The following SCAMP5 variants were observed in gnomAD, a reference collection of about 807,000 sequenced individuals.
SCAMP5 encodes secretory carrier-associated membrane protein 5.
SCAMP5 carries 7 observed loss-of-function variants against 28.3 expected under a neutral mutation model. The observed-to-expected ratio is 0.25, with a 90% CI of 0.14 to 0.46. The LOEUF is 0.46. Ranked by LOEUF, SCAMP5 falls within the 20% of genes least tolerant of loss-of-function variation. The pLI is 0.99. For synonymous variants in SCAMP5, 117 were observed against 116.4 expected (o/e 1.00, Z -0.03); for missense variants, 192 against 312.5 (o/e 0.61, Z 2.91).
intron 1 of SCAMP5, among the ~76,000 whole-genome samples, chr15:75,005,629 T>A (rs1385011768): frequency 6.6e-6 from 1 of 152,236 alleles, no homozygotes; most frequent in Non-Finnish European, 1.5e-5. Context: ...TGTTTTTTCA[T>A]AATTATTTTC....
In SCAMP5 at chr15:75,019,011, C is replaced by G; in HGVS notation, c.*28C>G. ...CAGCCACGCCTACCAGGTGGCAGAG[C>G]TGGGGCCATTGGGACAGGGGGCTCA... On this transcript the variant is annotated 3_prime_UTR_variant, in exon 7 of 7. Transcript: ENST00000425597. 6.8e-7 allele frequency: 1 copy of G among 1,461,456 alleles called. No individual in the cohort carries two copies. Among genetic ancestry groups the G allele is most frequent in the Non-Finnish European group, 9.1e-7 (1 of 1,100,990 alleles). 90.5% of individuals were successfully genotyped at this position (1,461,456 alleles called of 1,614,324 possible). A position where few individuals can be genotyped will look rare whatever the true frequency, so the allele number is the denominator to read the frequency against.
At chr15:75,012,292 A>G (rs1379097924) in intron 2 of SCAMP5, among the ~76,000 whole-genome samples, 1 of 152,198 alleles carries the variant, frequency 6.6e-6, no homozygotes, top group African/African-American at 2.4e-5. Flanking sequence ...AGGGGCGATG[A>G]TTTGCCCCAG....
At chr15:75,003,990 C>T (rs916607293) in intron 1 of SCAMP5, among the ~76,000 whole-genome samples, 5 of 151,958 alleles carry the variant, frequency 3.3e-5, no homozygotes, top group African/African-American at 4.8e-5. Context: ...CCGCAACCTC[C>T]GCTTCCGGGG....
In SCAMP5 at chr15:75,019,066, A is replaced by T. The variant is rs567098061; in HGVS notation, c.*83A>T. 2 of 966,398 alleles carry T rather than the reference A, an allele frequency of 2.1e-6. No homozygotes were observed. The highest frequency in any genetic ancestry group is 5.7e-5 in the Admixed American group (2 of 35,116). The allele number at this position is 966,398 out of a possible 1,614,324, so 59.9% of individuals were successfully genotyped here. On this transcript the variant is annotated 3_prime_UTR_variant, in exon 7 of 7. Coordinates refer to ENST00000425597, the MANE Select transcript of SCAMP5 (RefSeq NM_138967.4). ...ACATCGTCATTTGTGGTTACCAAGC[A>T]GGGTTCCCCCTTCCCTTTTCTCCTT...
At chr15:75,008,911 A>G (rs530363484) in intron 1 of SCAMP5, among the ~76,000 whole-genome samples, 2 of 152,356 alleles carry the variant, frequency 1.3e-5, no homozygotes, top group East Asian at 3.9e-4. Context: ...GTCATGTCGA[A>G]TAACGTGTGT....
intron 1 of SCAMP5, among the ~76,000 whole-genome samples, chr15:75,001,800 G>A (rs1368779103): frequency 6.6e-6 from 1 of 150,658 alleles, no homozygotes; most frequent in Non-Finnish European, 1.5e-5. Context: ...AACCCAGGAG[G>A]CGGAGGTTGC....
At chr15:75,007,332 G>A (rs1478061120) in intron 1 of SCAMP5, among the ~76,000 whole-genome samples, 3 of 152,128 alleles carry the variant, frequency 2.0e-5, no homozygotes, top group Admixed American at 1.3e-4. Flanking sequence ...CTTTAGAGTC[G>A]TCACAGCAGT....
At chr15:75,014,387 AT>A (rs2065841289) in intron 3 of SCAMP5, among the ~76,000 whole-genome samples, 1 of 152,098 alleles carries the variant, frequency 6.6e-6, no homozygotes, top group African/African-American at 2.4e-5. Flanking sequence ...GATGGCTTCC[AT>A]TTTTTCCATC....
chr15:75,014,162 T>A (rs1252127684), intron 3 of SCAMP5, among the ~76,000 whole-genome samples: 1 of 152,206 alleles, frequency 6.6e-6, no homozygotes, highest in Non-Finnish European at 1.5e-5. Flanking sequence ...GGCAGATGCT[T>A]GCATGTGCCG....
chr15:75,005,577 C>G (rs1314240615), intron 1 of SCAMP5, among the ~76,000 whole-genome samples: 1 of 152,250 alleles, frequency 6.6e-6, no homozygotes, highest in African/African-American at 2.4e-5. Context: ...ATGACATTAA[C>G]ATTTGTCTCG....
intron 1 of SCAMP5, among the ~76,000 whole-genome samples, chr15:75,004,040 G>C (rs2065733365): frequency 6.6e-6 from 1 of 152,034 alleles, no homozygotes; most frequent in Non-Finnish European, 1.5e-5. Context: ...GAGTAGCTGG[G>C]ATTACAGGCA....
chr15:74,997,277 G>T (rs190211118), intron 1 of SCAMP5: 112 of 152,254 alleles, frequency 7.4e-4, no homozygotes, highest in African/African-American at 2.5e-3. Context: ...TGCCAGCCAG[G>T]AGTTTCGGAA....
intron 3 of SCAMP5, among the ~76,000 whole-genome samples, chr15:75,014,981 A>G (rs1287412572): frequency 6.6e-6 from 1 of 152,188 alleles, no homozygotes; most frequent in Non-Finnish European, 1.5e-5. Context: ...ATGCCCACCC[A>G]TGAGGGGCCC....
In SCAMP5 at chr15:75,014,151, G is replaced by C. The variant is rs139357118; in HGVS notation, c.136+1346G>C. Among the ~76,000 whole-genome samples, 634 of 152,274 alleles carry C rather than the reference G, an allele frequency of 4.2e-3. 6 individuals are homozygous for C. The highest frequency in any genetic ancestry group is 0.014 in the African/African-American group (599 of 41,552). ...GAGGCCTGCACTTAGCTGCCTACCT[G>C]GGCAGATGCTTGCATGTGCCGACAA... On this transcript the variant is annotated intron_variant, in intron 3 of 6. Transcript: ENST00000425597.
chr15:75,005,438 C>CA (rs2065747865), intron 1 of SCAMP5, among the ~76,000 whole-genome samples: 1 of 144,718 alleles, frequency 6.9e-6, no homozygotes, highest in South Asian at 2.2e-4. Context: ...CCATCCTAGG[C>CA]AATAAGAGCG....
chr15:75,002,362 G>A (rs1318532593), intron 1 of SCAMP5, among the ~76,000 whole-genome samples: 1 of 151,756 alleles, frequency 6.6e-6, no homozygotes, highest in Non-Finnish European at 1.5e-5. Flanking sequence ...ACCTTTCTAT[G>A]TATCCTACAC....
In SCAMP5 at chr15:75,019,072, C is replaced by G. The variant is rs1047519374; in HGVS notation, c.*89C>G. ...TCATTTGTGGTTACCAAGCAGGGTT[C>G]CCCCTTCCCTTTTCTCCTTCCCTAC... On this transcript the variant is annotated 3_prime_UTR_variant, in exon 7 of 7. Transcript: ENST00000425597. 8.1e-6 allele frequency: 7 copies of G among 862,252 alleles called. No individual in the cohort carries two copies. In the African/African-American group the frequency reaches 1.1e-4, roughly 13 times the overall value. The allele number at this position is 862,252 out of a possible 1,614,324, so 53.4% of individuals were successfully genotyped here.
At chr15:75,017,559 G>C (rs909901688) in intron 4 of SCAMP5, 23 of 548,748 alleles carry the variant, frequency 4.2e-5, no homozygotes, top group Admixed American at 3.8e-4. Context: ...CCATCCCCTT[G>C]ACAATGAGAC....
At chr15:75,016,553 G>T in intron 3 of SCAMP5, 40 bp from the exon 4 acceptor site, 1 of 1,586,290 alleles carries the variant, frequency 6.3e-7, no homozygotes. Flanking sequence ...ATGGGCCTGG[G>T]TGTCTGTCTC....
Sources: gnomAD v4.1 joint callset for allele counts (sites outside exome capture counted in the v4.1 genomes callset) on GRCh38, gnomAD v4.1.1 for gene constraint, MANE v1.5 for transcripts, NCBI Gene and HGNC (gene_info 2026-07-23, HGNC 2026-07-21) for gene names.